The following SMYD3 variants were observed in gnomAD, a reference collection of about 807,000 sequenced individuals.
SMYD3 encodes the protein histone-lysine N-methyltransferase SMYD3.
SMYD3 carries 36 observed loss-of-function variants against 57.7 expected under a neutral mutation model. The observed-to-expected ratio is 0.62, with a 90% confidence interval of 0.48 to 0.82. The LOEUF (loss-of-function observed/expected upper bound fraction) is 0.82, where lower values mean the gene tolerates loss of function less well. Ranked by LOEUF, SMYD3 falls within the 40% of genes least tolerant of loss-of-function variation. The pLI is 0.00. For missense variants in SMYD3, 515 were observed against 538.8 expected, an observed-to-expected ratio of 0.96 and a Z score of 0.44; for synonymous variants, 211 against 195.0, an observed-to-expected ratio of 1.08 and a Z score of -0.68.
In SMYD3 at chr1:245,806,903, C is replaced by G. The variant is rs143573274; in HGVS notation, c.1077-42754G>C. Among the ~76,000 whole-genome samples, 14 of 108,002 alleles carry G rather than the reference C, an allele frequency of 1.3e-4. No homozygotes were observed. In the East Asian group the frequency reaches 3.8e-3, roughly 30 times the overall value. The allele number at this position is 108,002 out of a possible 152,430, so 70.9% of individuals were successfully genotyped here. A position where few individuals can be genotyped will look rare whatever the true frequency, so the allele number is the denominator to read the frequency against. ...CCGCAATCCGGCCTGGGCGACAGAGCGAGACTCCGTCTCAAAAAAAAAAAA... is the reference window on the plus strand; with the variant it reads ...CCGCAATCCGGCCTGGGCGACAGAGGGAGACTCCGTCTCAAAAAAAAAAAA... On this transcript the variant is annotated intron_variant, in intron 10 of 11. Coordinates refer to ENST00000490107, the MANE Select transcript of SMYD3 (RefSeq NM_001167740.2).
intron 10 of SMYD3, among the ~76,000 whole-genome samples, chr1:245,779,756 G>A (rs535755963): frequency 6.6e-6 from 1 of 152,250 alleles, no homozygotes; most frequent in African/African-American, 2.4e-5. Context: ...TGGAAGAACT[G>A]GAACCCTCAT....
intron 10 of SMYD3, among the ~76,000 whole-genome samples, chr1:245,804,620 T>C (rs1043794385): frequency 9.9e-5 from 15 of 152,200 alleles, no homozygotes; most frequent in Non-Finnish European, 1.6e-4. Context: ...GTGGGGCCTT[T>C]GGGAACTGAT....
intron 5 of SMYD3, among the ~76,000 whole-genome samples, chr1:246,320,437 A>C (rs2065227113): frequency 6.6e-6 from 1 of 152,230 alleles, no homozygotes; most frequent in Non-Finnish European, 1.5e-5. Flanking sequence ...TGGAATTTCT[A>C]ATCAAAAAAA....
At position 245,764,021 on chromosome 1, in the gene SMYD3, T is replaced by G; in HGVS notation, c.1185+20A>C. 64 of 1,573,562 alleles carry G rather than the reference T, an allele frequency of 4.1e-5. No individual in the cohort carries two copies. The highest frequency in any genetic ancestry group is 6.7e-5 in the East Asian group (3 of 44,640). On this transcript the variant is annotated intron_variant, in intron 11 of 11. Coordinates refer to ENST00000490107, the MANE Select transcript of SMYD3 (RefSeq NM_001167740.2). ...AAAAAGGATGCCAGGCAGAACTATGTGAGATCTTGGCACACTCACCAGTCT... is the reference window on the plus strand; with the variant it reads ...AAAAAGGATGCCAGGCAGAACTATGGGAGATCTTGGCACACTCACCAGTCT...
intron 5 of SMYD3, among the ~76,000 whole-genome samples, chr1:245,952,248 C>A (rs370124121): frequency 5.3e-5 from 8 of 151,834 alleles, no homozygotes; most frequent in Non-Finnish European, 7.4e-5. Flanking sequence ...TATCAATAAA[C>A]GACTAAAAAG....
At chr1:245,768,978 A>T (rs12047273) in intron 10 of SMYD3, among the ~76,000 whole-genome samples, 11,330 of 152,256 alleles carry the variant, frequency 0.074, 605 homozygotes, top group East Asian at 0.3. Flanking sequence ...ATTATTTTTT[A>T]AAAACTGATG....
At chr1:246,083,371 T>G (rs2060672203) in intron 5 of SMYD3, among the ~76,000 whole-genome samples, 1 of 152,182 alleles carries the variant, frequency 6.6e-6, no homozygotes, top group Non-Finnish European at 1.5e-5. Context: ...CTAACTTGTT[T>G]ATGATGCAGA....
intron 5 of SMYD3, among the ~76,000 whole-genome samples, chr1:246,121,432 C>CAA (rs10646615): frequency 0.13 from 13,093 of 99,686 alleles, 1,332 homozygotes; most frequent in East Asian, 0.34. Context: ...TTCCATTTTG[C>CAA]AAAAAAAAAA....
chr1:245,903,345 T>C (rs959087997), intron 8 of SMYD3, among the ~76,000 whole-genome samples: 3 of 151,950 alleles, frequency 2.0e-5, no homozygotes, highest in Non-Finnish European at 4.4e-5. Context: ...TCGGACATCA[T>C]AAAGTAAAAA....
At chr1:245,874,530 G>A (rs1257554374) in intron 8 of SMYD3, among the ~76,000 whole-genome samples, 2 of 152,148 alleles carry the variant, frequency 1.3e-5, no homozygotes, top group Non-Finnish European at 2.9e-5. Flanking sequence ...ATCAGTTAAT[G>A]GAGGGTTCCA....
chr1:246,002,747 C>T (rs866927724), intron 5 of SMYD3, among the ~76,000 whole-genome samples: 4 of 152,110 alleles, frequency 2.6e-5, no homozygotes, highest in South Asian at 2.1e-4. Flanking sequence ...CCACCACGCC[C>T]GGCCCATTAT....
intron 5 of SMYD3, among the ~76,000 whole-genome samples, chr1:245,977,952 T>C (rs2058493193): frequency 6.6e-6 from 1 of 152,182 alleles, no homozygotes; most frequent in Non-Finnish European, 1.5e-5. Flanking sequence ...ATTTTACAGA[T>C]AAAGAAGATG....
chr1:246,423,239 G>A (rs186484874), intron 1 of SMYD3, among the ~76,000 whole-genome samples: 93 of 151,378 alleles, frequency 6.1e-4, no homozygotes, highest in African/African-American at 2.2e-3. Context: ...GAAGGTTGCA[G>A]TGAGCCGAGA....
intron 5 of SMYD3, among the ~76,000 whole-genome samples, chr1:246,101,525 C>T (rs918149491): frequency 1.3e-5 from 2 of 152,182 alleles, no homozygotes; most frequent in Admixed American, 6.5e-5. Context: ...TCAATCATCA[C>T]TGTACTTAAA....
In SMYD3 at chr1:246,002,196, A is replaced by T. The variant is rs909971619; in HGVS notation, c.532-72259T>A. 6.6e-4 allele frequency among the ~76,000 whole-genome samples: 100 copies of T among 151,682 alleles called. No individual in the cohort carries two copies. In the Middle Eastern group the frequency reaches 0.01, roughly 15 times the overall value. On this transcript the variant is annotated intron_variant, in intron 5 of 11. Transcript: ENST00000490107. ...ATGACCACCTCCTTTTTATTTTATTATTTTTTTAAATGGAGTCTCGCTCCG... is the reference window on the plus strand; with the variant it reads ...ATGACCACCTCCTTTTTATTTTATTTTTTTTTTAAATGGAGTCTCGCTCCG...
intron 5 of SMYD3, among the ~76,000 whole-genome samples, chr1:245,949,825 A>ACCCCC (rs376505931): frequency 2.0e-3 from 186 of 93,124 alleles, no homozygotes; most frequent in Non-Finnish European, 2.9e-3. Flanking sequence ...AAAGAAACCC[A>ACCCCC]CCCCCCCCAC....
chr1:245,812,422 C>T (rs555498545), intron 10 of SMYD3, among the ~76,000 whole-genome samples: 15 of 152,192 alleles, frequency 9.9e-5, no homozygotes, highest in East Asian at 9.7e-4. Flanking sequence ...ATCTGATGGC[C>T]GCACAAAGGA....
At chr1:245,835,007 T>C (rs1322644803) in intron 10 of SMYD3, among the ~76,000 whole-genome samples, 3 of 152,204 alleles carry the variant, frequency 2.0e-5, no homozygotes, top group African/African-American at 7.2e-5. Flanking sequence ...AACTATTCCT[T>C]TCATTTTTAA....
rs184556532 is a variant in SMYD3, at chr1:245,782,232, G to A, written c.1077-18083C>T. On this transcript the variant is annotated intron_variant, in intron 10 of 11. Transcript: ENST00000490107. The stretch of plus-strand genomic sequence containing the variant: ...AAATTACTGTAGTTCCTTTAATCTT[G>A]TCTCCAGAGGAGCCCCTGCAGCCAT... 2.1e-3 allele frequency among the ~76,000 whole-genome samples: 317 copies of A among 152,148 alleles called. 1 individual carries two copies. Among genetic ancestry groups the A allele is most frequent in the African/African-American group, 7.2e-3 (298 of 41,510 alleles).
Sources: allele counts gnomAD v4.1 joint callset (sites outside exome capture counted in the v4.1 genomes callset), GRCh38; gene constraint gnomAD v4.1.1; transcripts MANE v1.5; gene names NCBI Gene and HGNC (gene_info 2026-07-23, HGNC 2026-07-21).